Variants in RALYL observed in about 807,000 individuals in gnomAD.
RALYL encodes RALY RNA binding protein like.
A neutral mutation model predicts 35.1 loss-of-function variants in RALYL; 29 were observed. The ratio of observed to expected loss-of-function variants is 0.83; its 90% CI spans 0.61 to 1.13. RALYL has a LOEUF of 1.13. Ranked by LOEUF, RALYL falls within the 50% of genes most tolerant of loss-of-function variation. The probability of loss-of-function intolerance (pLI) is 0.00; values close to 1 mark genes in which losing one functional copy is unlikely to be tolerated. For missense variants in RALYL, 359 were observed against 360.4 expected (o/e 1.00, Z 0.03); for synonymous variants, 120 against 127.6 (o/e 0.94, Z 0.40).
intron 4 of RALYL, among the ~76,000 whole-genome samples, chr8:84,825,926 G>A (rs565389921): frequency 2.6e-5 from 4 of 152,056 alleles, no homozygotes; most frequent in South Asian, 4.2e-4. Flanking sequence ...TAGTGGGCTG[G>A]AAAAAGAAAA....
At chr8:84,688,252 A>G (rs1166725200) in intron 2 of RALYL, among the ~76,000 whole-genome samples, 2 of 152,116 alleles carry the variant, frequency 1.3e-5, no homozygotes, top group Non-Finnish European at 2.9e-5. Flanking sequence ...TTGGAATTCC[A>G]TAATCTAGAA....
At chr8:84,804,217 G>T (rs537078852) in intron 3 of RALYL, among the ~76,000 whole-genome samples, 1 of 152,272 alleles carries the variant, frequency 6.6e-6, no homozygotes, top group Non-Finnish European at 1.5e-5. Flanking sequence ...TTGAGATATT[G>T]AGGTACAGAA....
chr8:84,322,493 T>G (rs1423234176), intron 1 of RALYL, among the ~76,000 whole-genome samples: 1 of 152,102 alleles, frequency 6.6e-6, no homozygotes, highest in Non-Finnish European at 1.5e-5. Context: ...ATCTTCCACT[T>G]TCATCTGGGC....
At chr8:84,683,395 C>T (rs542937825) in intron 2 of RALYL, among the ~76,000 whole-genome samples, 2 of 152,166 alleles carry the variant, frequency 1.3e-5, no homozygotes, top group Admixed American at 6.5e-5. Context: ...CCTGGATAAC[C>T]TTGTTAACTT....
At chr8:84,563,307 A>G (rs1248092722) in intron 2 of RALYL, among the ~76,000 whole-genome samples, 1 of 151,848 alleles carries the variant, frequency 6.6e-6, no homozygotes, top group Non-Finnish European at 1.5e-5. Context: ...ACAAAAACAA[A>G]CAAACAAGAA....
At chr8:84,311,486 T>G (rs1176917851) in intron 1 of RALYL, among the ~76,000 whole-genome samples, 1 of 152,190 alleles carries the variant, frequency 6.6e-6, no homozygotes. Context: ...GAGAGAAGAC[T>G]CATTTTTTAC....
At chr8:84,187,238 T>C (rs1004132938) in intron 1 of RALYL, among the ~76,000 whole-genome samples, 2 of 152,076 alleles carry the variant, frequency 1.3e-5, no homozygotes, top group African/African-American at 4.8e-5. Context: ...TATGGGATAA[T>C]AAAATGTGGG....
chr8:84,328,063 G>A (rs1449930363), intron 1 of RALYL, among the ~76,000 whole-genome samples: 1 of 152,144 alleles, frequency 6.6e-6, no homozygotes, highest in Non-Finnish European at 1.5e-5. Context: ...ATTAGTTTTT[G>A]AGGCTGTCTT....
chr8:84,572,185 G>A (rs751460722), intron 2 of RALYL, among the ~76,000 whole-genome samples: 2 of 151,690 alleles, frequency 1.3e-5, no homozygotes, highest in Non-Finnish European at 3.0e-5. Flanking sequence ...TCTCTTGTAT[G>A]CAGCAGATGT....
At chr8:84,393,308 G>A (rs1213022025) in intron 1 of RALYL, among the ~76,000 whole-genome samples, 1 of 152,030 alleles carries the variant, frequency 6.6e-6, no homozygotes, top group Non-Finnish European at 1.5e-5. Context: ...GTTGGACTGA[G>A]GGCCTCAGTT....
At position 84,555,653 on chromosome 8, in the gene RALYL, C is replaced by T. The variant is rs190268381; in HGVS notation, c.256+26076C>T. ...TGACATTTTAATTTAATAATACGTT[C>T]TAAAGTTTCCTTTAGGTTTTTGGAA... On this transcript the variant is annotated intron_variant, in intron 2 of 8. Transcript: ENST00000521268. Among the ~76,000 whole-genome samples, 22 of 152,218 alleles carry T rather than the reference C, an allele frequency of 1.4e-4. 1 individual carries two copies. The East Asian group carries it at 3.9e-3, about 27-fold the overall frequency.
chr8:84,282,311 G>C (rs1159244136), intron 1 of RALYL, among the ~76,000 whole-genome samples: 1 of 151,490 alleles, frequency 6.6e-6, no homozygotes, highest in African/African-American at 2.4e-5. Flanking sequence ...GTTCCACCAG[G>C]TCAGGGGTCC....
intron 1 of RALYL, among the ~76,000 whole-genome samples, chr8:84,518,265 C>T (rs942025535): frequency 3.3e-5 from 5 of 152,114 alleles, no homozygotes; most frequent in African/African-American, 1.2e-4. Flanking sequence ...AGAGAAAAAG[C>T]ATCCATAATT....
rs372619098 is a variant in RALYL at position 84,555,908 on chromosome 8, T to G, written c.256+26331T>G. 1.8e-4 allele frequency among the ~76,000 whole-genome samples: 27 copies of G among 152,332 alleles called. No individual in the cohort carries two copies. In the South Asian group the frequency reaches 5.4e-3, roughly 30 times the overall value. On this transcript the variant is annotated intron_variant, in intron 2 of 8. Transcript: ENST00000521268. ...TATAAAGAGCAGGTGAAGGGTAGTG[T>G]ACATAATTTTCACTGTTTTAGATAA...
At chr8:84,467,162 A>T (rs2051816795) in intron 1 of RALYL, among the ~76,000 whole-genome samples, 1 of 151,780 alleles carries the variant, frequency 6.6e-6, no homozygotes, top group Admixed American at 6.6e-5. Flanking sequence ...CTCTGATTTT[A>T]GTTATTTCTT....
At chr8:84,437,832 G>A (rs1311001804) in intron 1 of RALYL, among the ~76,000 whole-genome samples, 1 of 152,040 alleles carries the variant, frequency 6.6e-6, no homozygotes, top group Non-Finnish European at 1.5e-5. Flanking sequence ...ATCATGTGAT[G>A]TGCTCCCTCT....
At chr8:84,331,492 G>T (rs1846811010) in intron 1 of RALYL, among the ~76,000 whole-genome samples, 1 of 151,964 alleles carries the variant, frequency 6.6e-6, no homozygotes, top group Non-Finnish European at 1.5e-5. Flanking sequence ...CTCTGAACTT[G>T]GATGCCACAT....
At chr8:84,876,459 A>T (rs1391276710) in intron 7 of RALYL, among the ~76,000 whole-genome samples, 1 of 152,230 alleles carries the variant, frequency 6.6e-6, no homozygotes, top group Non-Finnish European at 1.5e-5. Flanking sequence ...TTGTTAGATG[A>T]TTCTTTTAAA....
chr8:84,657,364 A>G (rs374055341), intron 2 of RALYL, among the ~76,000 whole-genome samples: 2 of 152,234 alleles, frequency 1.3e-5, no homozygotes, highest in Non-Finnish European at 2.9e-5. Context: ...CCACAACTCA[A>G]TAGAATTGCA....
Sources: gnomAD v4.1 joint callset for allele counts (sites outside exome capture counted in the v4.1 genomes callset) on GRCh38, gnomAD v4.1.1 for gene constraint, MANE v1.5 for transcripts, NCBI Gene and HGNC (gene_info 2026-07-23, HGNC 2026-07-21) for gene names.